The following NKAIN2 variants were observed in gnomAD, a reference collection of about 807,000 sequenced individuals.
The protein encoded by NKAIN2 is sodium/potassium transporting ATPase interacting 2.
Under a neutral mutation model 32.6 loss-of-function variants are expected in NKAIN2, and 14 were observed. The observed-to-expected ratio is 0.43, with a 90% CI of 0.28 to 0.67. NKAIN2 has a LOEUF of 0.67. Ranked by LOEUF, NKAIN2 falls within the 30% of genes least tolerant of loss-of-function variation. NKAIN2 has a pLI of 0.17. For synonymous variants in NKAIN2, 80 were observed against 87.2 expected, an observed-to-expected ratio of 0.92 and a Z score of 0.46; for missense variants, 198 against 258.3, an observed-to-expected ratio of 0.77 and a Z score of 1.60.
chr6:124,190,322 G>A (rs1789953078), intron 1 of NKAIN2, among the ~76,000 whole-genome samples: 1 of 152,188 alleles, frequency 6.6e-6, no homozygotes, highest in Non-Finnish European at 1.5e-5. Flanking sequence ...GCAAATGTTA[G>A]CAATTACCTT....
intron 1 of NKAIN2, among the ~76,000 whole-genome samples, chr6:123,998,947 A>G (rs1352186048): frequency 6.6e-6 from 1 of 151,848 alleles, no homozygotes; most frequent in Non-Finnish European, 1.5e-5. Flanking sequence ...TGTTTTCATT[A>G]TTGAAGGTTT....
At chr6:124,065,369 C>A (rs1398742659) in intron 1 of NKAIN2, among the ~76,000 whole-genome samples, 1 of 152,082 alleles carries the variant, frequency 6.6e-6, no homozygotes, top group African/African-American at 2.4e-5. Context: ...GAAATGCTAA[C>A]CCTGTGCTAC....
intron 1 of NKAIN2, among the ~76,000 whole-genome samples, chr6:123,907,210 C>T (rs566966295): frequency 3.3e-5 from 5 of 152,108 alleles, no homozygotes; most frequent in East Asian, 1.9e-4. Flanking sequence ...AGGAAAAAAA[C>T]GCTAATTATT....
chr6:123,860,385 T>A lies in NKAIN2; in HGVS notation c.54+56131T>A, dbSNP rs544908077. Among the ~76,000 whole-genome samples the A allele has an allele frequency of 8.9e-4, 135 of 152,288 alleles. No homozygotes were observed. The Middle Eastern group carries it at 0.01, about 12-fold the overall frequency. On this transcript the variant is annotated intron_variant, in intron 1 of 6. Transcript: ENST00000368417. Reference sequence around the variant, plus strand: ...TGATTGAAAACCAACTGCACCAATGTGTTCCTAGCGTTTAAAGTAATAGTG... The same window carrying A: ...TGATTGAAAACCAACTGCACCAATGAGTTCCTAGCGTTTAAAGTAATAGTG...
At chr6:123,938,411 TA>T (rs1776631092) in intron 1 of NKAIN2, among the ~76,000 whole-genome samples, 1 of 70,122 alleles carries the variant, frequency 1.4e-5, no homozygotes, top group Non-Finnish European at 2.8e-5. Context: ...TATATATATA[TA>T]TATATATATA....
At chr6:124,043,486 T>C (rs900766978) in intron 1 of NKAIN2, among the ~76,000 whole-genome samples, 6 of 152,090 alleles carry the variant, frequency 3.9e-5, no homozygotes, top group Non-Finnish European at 8.8e-5. Context: ...TTTATAGATA[T>C]CAAAGCTGCC....
intron 1 of NKAIN2, among the ~76,000 whole-genome samples, chr6:123,882,692 TA>T (rs1388566218): frequency 3.9e-5 from 6 of 152,230 alleles, no homozygotes; most frequent in African/African-American, 1.2e-4. Context: ...TGTCATTGTG[TA>T]AAGATTTGAT....
intron 1 of NKAIN2, among the ~76,000 whole-genome samples, chr6:123,954,763 G>A (rs746019564): frequency 6.6e-6 from 1 of 152,276 alleles, no homozygotes. Context: ...TCTCTGGCTT[G>A]TTTATTGTTG....
chr6:123,941,633 T>C (rs142037164), intron 1 of NKAIN2, among the ~76,000 whole-genome samples: 1 of 152,054 alleles, frequency 6.6e-6, no homozygotes, highest in African/African-American at 2.4e-5. Flanking sequence ...CAAACACAAA[T>C]ATTATAATCA....
In NKAIN2 at chr6:124,382,946, T is replaced by C. The variant is rs546076784; in HGVS notation, c.273+27599T>C. 2.0e-5 allele frequency among the ~76,000 whole-genome samples: 3 copies of C among 152,306 alleles called. No individual in the cohort carries two copies. The East Asian group carries it at 5.8e-4, about 29-fold the overall frequency. Reference sequence around the variant, plus strand: ...GCCTGAAACCATCCAAAGTGGCTTATATGTTTCACAAGTTACTGGTCCTTA... The same window carrying C: ...GCCTGAAACCATCCAAAGTGGCTTACATGTTTCACAAGTTACTGGTCCTTA... On this transcript the variant is annotated intron_variant, in intron 3 of 6. Coordinates refer to ENST00000368417, the MANE Select transcript of NKAIN2 (RefSeq NM_001040214.3).
intron 3 of NKAIN2, among the ~76,000 whole-genome samples, chr6:124,558,345 CT>C (rs1336616386): frequency 6.6e-6 from 1 of 152,138 alleles, no homozygotes; most frequent in Non-Finnish European, 1.5e-5. Context: ...TGAGCCAAGG[CT>C]TGTGGCAACA....
At chr6:124,301,163 C>G (rs1467639559) in intron 2 of NKAIN2, among the ~76,000 whole-genome samples, 1 of 152,172 alleles carries the variant, frequency 6.6e-6, no homozygotes. Context: ...CCTAGTCACT[C>G]TAGCTGTGGC....
intron 4 of NKAIN2, among the ~76,000 whole-genome samples, chr6:124,752,381 G>C (rs572520770): frequency 6.6e-6 from 1 of 152,168 alleles, no homozygotes; most frequent in Admixed American, 6.6e-5. Flanking sequence ...TAAGTAAAAA[G>C]TGAGAAGTAA....
intron 1 of NKAIN2, among the ~76,000 whole-genome samples, chr6:124,229,288 G>T (rs1792297505): frequency 6.6e-6 from 1 of 152,108 alleles, no homozygotes; most frequent in South Asian, 2.1e-4. Context: ...TAGCTACTAA[G>T]TATTAAGTAG....
intron 1 of NKAIN2, among the ~76,000 whole-genome samples, chr6:124,152,292 A>G (rs1340540673): frequency 6.6e-6 from 1 of 152,018 alleles, no homozygotes; most frequent in African/African-American, 2.4e-5. Flanking sequence ...TAGTTTCTCT[A>G]TTCTGTTTCA....
chr6:124,069,062 G>A (rs1783320707), intron 1 of NKAIN2, among the ~76,000 whole-genome samples: 2 of 151,986 alleles, frequency 1.3e-5, no homozygotes, highest in Admixed American at 6.6e-5. Flanking sequence ...TTCCGTACAG[G>A]GATCACTACA....
At chr6:124,706,409 A>G (rs997673576) in intron 4 of NKAIN2, among the ~76,000 whole-genome samples, 7 of 152,094 alleles carry the variant, frequency 4.6e-5, no homozygotes, top group African/African-American at 1.4e-4. Context: ...CTGTTATTAT[A>G]TATTGAATTA....
At chr6:124,218,086 T>C (rs1303748665) in intron 1 of NKAIN2, among the ~76,000 whole-genome samples, 1 of 150,742 alleles carries the variant, frequency 6.6e-6, no homozygotes, top group Non-Finnish European at 1.5e-5. Flanking sequence ...GCAAAGTGTA[T>C]GTTAAAAAAA....
In NKAIN2 at chr6:124,755,851, C is replaced by A. The variant is rs867202718; in HGVS notation, c.475-35488C>A. Among the ~76,000 whole-genome samples the A allele has an allele frequency of 3.3e-5, 5 of 152,112 alleles. No homozygotes were observed. The South Asian group carries it at 6.2e-4, about 19-fold the overall frequency. On this transcript the variant is annotated intron_variant, in intron 4 of 6. Transcript: ENST00000368417. ...CCTATGTAACAAACCTGCATATGTACCCCTGAACTTAAAATAATAGTTTAA... is the reference window on the plus strand; with the variant it reads ...CCTATGTAACAAACCTGCATATGTAACCCTGAACTTAAAATAATAGTTTAA...
Sources: gnomAD v4.1 joint callset for allele counts (sites outside exome capture counted in the v4.1 genomes callset) on GRCh38, gnomAD v4.1.1 for gene constraint, MANE v1.5 for transcripts, NCBI Gene and HGNC (gene_info 2026-07-23, HGNC 2026-07-21) for gene names.